The following GNPTAB variants were observed in gnomAD, a reference collection of about 807,000 sequenced individuals.
GNPTAB encodes N-acetylglucosamine-1-phosphate transferase subunits alpha and beta, also known as N-acetylglucosamine-1-phosphotransferase subunits alpha/beta.
GNPTAB carries 92 observed loss-of-function variants against 136.6 expected under a neutral mutation model. That is an observed-to-expected ratio of 0.67 (90% CI 0.57 to 0.80). The LOEUF is 0.80. Ranked by LOEUF, GNPTAB falls within the 30% of genes least tolerant of loss-of-function variation. GNPTAB has a pLI of 0.00. For synonymous variants in GNPTAB, 512 were observed against 535.1 expected (o/e 0.96, Z 0.60); for missense variants, 1,343 against 1,501.8 (o/e 0.89, Z 1.75).
chr12:101,772,913 T>A (rs184595836), intron 7 of GNPTAB, among the ~76,000 whole-genome samples: 1 of 152,278 alleles, frequency 6.6e-6, no homozygotes, highest in East Asian at 1.9e-4. Flanking sequence ...ATCTCCCGGG[T>A]TCAAGTGATT....
Position 101,753,024 on chromosome 12 carries a change from G to A in GNPTAB, c.3602+348C>T, listed in dbSNP as rs189622013. Among the ~76,000 whole-genome samples the A allele has an allele frequency of 1.4e-3, 215 of 152,188 alleles. 2 individuals are homozygous for A. The highest frequency in any genetic ancestry group is 4.4e-3 in the African/African-American group (183 of 41,534). The stretch of plus-strand genomic sequence containing the variant: ...TCCCAGCACTTTGGGAGGCTGAGGC[G>A]GGCGGATCACCTGAGGTCAGGAGTT... On this transcript the variant is annotated intron_variant, in intron 19 of 20. Coordinates refer to ENST00000299314, the MANE Select transcript of GNPTAB (RefSeq NM_024312.5).
chr12:101,812,973 G>GT (rs911911187), intron 1 of GNPTAB, among the ~76,000 whole-genome samples: 3 of 144,502 alleles, frequency 2.1e-5, no homozygotes, highest in African/African-American at 7.9e-5. Context: ...CCAGCTAAGT[G>GT]TTTTTTGTGT....
chr12:101,810,383 T>C (rs1870152017), intron 1 of GNPTAB: 1 of 145,200 alleles, frequency 6.9e-6, no homozygotes, highest in African/African-American at 2.6e-5. Context: ...AAATATAAAG[T>C]CTACTCCAAT....
chr12:101,796,012 G>A (rs1031841380), intron 2 of GNPTAB: 3 of 442,260 alleles, frequency 6.8e-6, no homozygotes, highest in Non-Finnish European at 1.2e-5. Flanking sequence ...CAGAATGGCG[G>A]CACTAAGAAG....
intron 1 of GNPTAB, among the ~76,000 whole-genome samples, chr12:101,830,231 T>G (rs189525145): frequency 1.0e-3 from 155 of 152,254 alleles, no homozygotes; most frequent in East Asian, 4.6e-3. Context: ...CCGTCTCTAT[T>G]TTTAAAAAAC....
At chr12:101,749,018 ATG>A in intron 20 of GNPTAB, 81 bp downstream of exon 20, 1 of 824,466 alleles carries the variant, frequency 1.2e-6, no homozygotes. Context: ...TTGATTGTAA[ATG>A]TGTATCATTT....
At chr12:101,750,149 G>C (rs1952795020) in intron 19 of GNPTAB, among the ~76,000 whole-genome samples, 1 of 152,160 alleles carries the variant, frequency 6.6e-6, no homozygotes, top group Non-Finnish European at 1.5e-5. Context: ...AGGCAGTACA[G>C]CCATTTCCTC....
At chr12:101,755,546 T>C (rs59901970) in intron 18 of GNPTAB, among the ~76,000 whole-genome samples, 1 of 152,238 alleles carries the variant, frequency 6.6e-6, no homozygotes, top group African/African-American at 2.4e-5. Flanking sequence ...ATGTTAAAGT[T>C]CTAGAATGTG....
intron 1 of GNPTAB, among the ~76,000 whole-genome samples, chr12:101,803,745 G>A (rs1869777571): frequency 6.6e-6 from 1 of 152,214 alleles, no homozygotes; most frequent in Admixed American, 6.5e-5. Flanking sequence ...ATGAAATGAT[G>A]TAGGACTACT....
chr12:101,757,557 GCGTGTACT>G lies in GNPTAB; in HGVS notation c.3335+7_3335+14del. On this transcript the variant is annotated splice_region_variant and intron_variant, in intron 17 of 20. Transcript: ENST00000299314. ...CTCTTATACTAAACAAAGGGAGTAT[GCGTGTACT>G]ACTTACCTATATTTGTTTTTGTCCT... is the stretch of plus-strand genomic sequence containing the variant. The G allele has an allele frequency of 8.4e-7, 1 of 1,197,588 alleles. No homozygotes were observed. The allele number at this position is 1,197,588 out of a possible 1,614,324, so 74.2% of individuals were successfully genotyped here.
intron 7 of GNPTAB, among the ~76,000 whole-genome samples, chr12:101,776,895 G>C (rs1210528310): frequency 6.6e-6 from 1 of 152,236 alleles, no homozygotes; most frequent in Non-Finnish European, 1.5e-5. Context: ...GGCCTCCTGG[G>C]GGAACCTGCG....
At chr12:101,772,057 G>GCTTT (rs1480799189) in intron 7 of GNPTAB, among the ~76,000 whole-genome samples, 11 of 152,180 alleles carry the variant, frequency 7.2e-5, no homozygotes, top group Non-Finnish European at 1.6e-4. Flanking sequence ...AAAGCTTTTG[G>GCTTT]GGCAATCATA....
At chr12:101,786,380 T>C (rs895138206) in intron 4 of GNPTAB, among the ~76,000 whole-genome samples, 163 bp from the exon 5 acceptor site, 1 of 152,256 alleles carries the variant, frequency 6.6e-6, no homozygotes, top group African/African-American at 2.4e-5. Flanking sequence ...AAAATTAAGT[T>C]AGCAAGTATG....
intron 1 of GNPTAB, among the ~76,000 whole-genome samples, chr12:101,818,775 G>A (rs142681724): frequency 0.01 from 1,532 of 152,270 alleles, 29 homozygotes; most frequent in African/African-American, 0.035. Context: ...TAATCCCCAT[G>A]TGTCATGGGA....
Position 101,822,065 on chromosome 12 carries a change from T to A in GNPTAB, c.117+8494A>T, listed in dbSNP as rs1286048389. The stretch of plus-strand genomic sequence containing the variant: ...CAGGGGAAAAGCAGGTGACCACTCC[T>A]GAGCACGGCGGTGGCTGTGGTCTCT... On this transcript the variant is annotated intron_variant, in intron 1 of 20. Coordinates refer to ENST00000299314, the MANE Select transcript of GNPTAB (RefSeq NM_024312.5). Among the ~76,000 whole-genome samples, 3 of 152,204 alleles carry A rather than the reference T, an allele frequency of 2.0e-5. No homozygotes were observed. In the East Asian group the frequency reaches 5.8e-4, roughly 29 times the overall value.
At chr12:101,788,113 T>C (rs967611410) in intron 4 of GNPTAB, among the ~76,000 whole-genome samples, 1 of 152,206 alleles carries the variant, frequency 6.6e-6, no homozygotes, top group African/African-American at 2.4e-5. Flanking sequence ...GTTCTTGTTG[T>C]TGGGCTAAAT....
intron 18 of GNPTAB, among the ~76,000 whole-genome samples, 181 bp from the exon 19 acceptor site, chr12:101,753,720 T>C (rs554537242): frequency 2.0e-5 from 3 of 152,358 alleles, no homozygotes; most frequent in African/African-American, 7.2e-5. Flanking sequence ...TCCTCACGTA[T>C]AAAACAAGAG....
chr12:101,769,198 A>T (rs1244023475), intron 10 of GNPTAB, among the ~76,000 whole-genome samples: 1 of 152,188 alleles, frequency 6.6e-6, no homozygotes, highest in African/African-American at 2.4e-5. Flanking sequence ...TTTCCTCACT[A>T]TGCCAGAAAA....
In GNPTAB at chr12:101,757,327, A is replaced by G; in HGVS notation, c.3336-17T>C. On this transcript the variant is annotated splice_polypyrimidine_tract_variant and intron_variant, in intron 17 of 20. Transcript: ENST00000299314. ...ATTTCAAACCTAATTATCAAAACAT[A>G]TTTGAAGAGTTTAAATAATTACATG... is the stretch of plus-strand genomic sequence containing the variant. 7.2e-7 allele frequency: 1 copy of G among 1,395,914 alleles called. No individual in the cohort carries two copies. The highest frequency in any genetic ancestry group is 1.0e-6 in the Non-Finnish European group (1 of 985,836). The allele number at this position is 1,395,914 out of a possible 1,614,324, so 86.5% of individuals were successfully genotyped here. A position where few individuals can be genotyped will look rare whatever the true frequency, so the allele number is the denominator to read the frequency against.
Sources: allele counts gnomAD v4.1 joint callset (sites outside exome capture counted in the v4.1 genomes callset), GRCh38; gene constraint gnomAD v4.1.1; transcripts MANE v1.5; gene names NCBI Gene and HGNC (gene_info 2026-07-23, HGNC 2026-07-21).